The following HDAC4 variants were observed in gnomAD, a reference collection of about 807,000 sequenced individuals.
HDAC4 encodes histone deacetylase A.
A neutral mutation model predicts 135.1 loss-of-function variants in HDAC4; 16 were observed. The ratio of observed to expected loss-of-function variants is 0.12; its 90% confidence interval spans 0.08 to 0.18. The LOEUF (loss-of-function observed/expected upper bound fraction) is 0.18, where lower values mean the gene tolerates loss of function less well. HDAC4 is among the 10% of genes least tolerant of loss of function. The pLI is 1.00. For missense variants in HDAC4, 1,143 were observed against 1,511.8 expected, an observed-to-expected ratio of 0.76 and a Z score of 4.05; for synonymous variants, 685 against 653.4, an observed-to-expected ratio of 1.05 and a Z score of -0.74.
intron 13 of HDAC4, among the ~76,000 whole-genome samples, chr2:239,112,869 G>T (rs1244393448): frequency 6.6e-6 from 1 of 152,214 alleles, no homozygotes; most frequent in Non-Finnish European, 1.5e-5. Flanking sequence ...GCAGAGCCCA[G>T]CCCTGTGCTG....
In HDAC4 at chr2:239,102,798, T is replaced by C. The variant is rs2037781554; in HGVS notation, c.2211A>G (p.Lys737=). ...LYGTNPLNRQ[K]LDSKKLLGSL... is the part of the protein sequence containing the mutation. ...TACCTAGAAGTTTCTTACTGTCCAG[T>C]TTCTGCCGGTTGAGGGGGTTCGTGC... Residue 737 remains lysine, a synonymous_variant, in exon 16 of 27, where the codon AAA becomes AAG. Coordinates refer to ENST00000543185, the MANE Select transcript of HDAC4 (RefSeq NM_001378414.1). 8.7e-6 allele frequency: 14 copies of C among 1,613,882 alleles called. No individual in the cohort carries two copies. The highest frequency in any genetic ancestry group is 1.0e-5 in the Non-Finnish European group (12 of 1,180,018).
intron 3 of HDAC4, among the ~76,000 whole-genome samples, chr2:239,230,566 CG>C (rs1371807500): frequency 6.6e-6 from 1 of 152,096 alleles, no homozygotes; most frequent in Non-Finnish European, 1.5e-5. Context: ...GAGGCCGCCA[CG>C]GCCTCTCTTC....
intron 24 of HDAC4, among the ~76,000 whole-genome samples, chr2:239,058,745 A>G (rs985152615): frequency 1.3e-5 from 2 of 152,272 alleles, no homozygotes; most frequent in Non-Finnish European, 2.9e-5. Context: ...TGCAATGGAA[A>G]GAAGACAAGA....
chr2:239,189,688 T>C, intron 4 of HDAC4, 145 bp downstream of exon 4: 1 of 749,162 alleles, frequency 1.3e-6, no homozygotes, highest in East Asian at 2.7e-5. Context: ...TTGCCTGGTG[T>C]TACCGTCCCA....
chr2:239,379,750 C>T (rs896408536), intron 1 of HDAC4, among the ~76,000 whole-genome samples: 11 of 152,220 alleles, frequency 7.2e-5, no homozygotes, highest in African/African-American at 2.2e-4. Context: ...CATCGGCTGC[C>T]GGGGCCCCTT....
At chr2:239,101,580 G>T (rs535858888) in intron 16 of HDAC4, among the ~76,000 whole-genome samples, 1 of 152,146 alleles carries the variant, frequency 6.6e-6, no homozygotes, top group Non-Finnish European at 1.5e-5. Flanking sequence ...CCTTCCTAGG[G>T]TCCTGCTCAG....
intron 1 of HDAC4, among the ~76,000 whole-genome samples, chr2:239,387,059 G>T (rs1284484333): frequency 6.6e-6 from 1 of 152,070 alleles, no homozygotes; most frequent in Non-Finnish European, 1.5e-5. Flanking sequence ...GTATGAGGGT[G>T]TGTGCGTGTC....
chr2:239,133,856 T>C (rs2040762849), intron 11 of HDAC4, among the ~76,000 whole-genome samples: 1 of 152,186 alleles, frequency 6.6e-6, no homozygotes, highest in South Asian at 2.1e-4. Flanking sequence ...AAATTGTATT[T>C]TTCTAAATGT....
At chr2:239,193,472 C>T (rs1033392588) in intron 3 of HDAC4, among the ~76,000 whole-genome samples, 9 of 152,334 alleles carry the variant, frequency 5.9e-5, no homozygotes, top group South Asian at 2.1e-4. Context: ...GCCGCTGGGG[C>T]GCCGAGGAGC....
Position 239,307,675 on chromosome 2 carries a change from A to C in HDAC4, c.22+45003T>G, listed in dbSNP as rs1237649205. Among the ~76,000 whole-genome samples, 1 of 152,142 alleles carries C rather than the reference A, an allele frequency of 6.6e-6. No homozygotes were observed. The highest frequency in any genetic ancestry group is 1.5e-5 in the Non-Finnish European group (1 of 68,020). On this transcript the variant is annotated intron_variant, in intron 2 of 26. Transcript: ENST00000543185. The surrounding 1 kb of genome is among the most constrained non-coding windows in gnomAD (Gnocchi z 4.8). ...AACGCATGCAAGAGAAGCCCTCCTCACTCAGATGACGTTCTCATGACCGCA... is the reference window on the plus strand; with the variant it reads ...AACGCATGCAAGAGAAGCCCTCCTCCCTCAGATGACGTTCTCATGACCGCA...
intron 17 of HDAC4, among the ~76,000 whole-genome samples, chr2:239,093,413 C>T (rs1200077445): frequency 6.6e-6 from 1 of 152,208 alleles, no homozygotes; most frequent in Non-Finnish European, 1.5e-5. Context: ...CTGGCCCCTC[C>T]TGGCTCTGGA....
intron 3 of HDAC4, among the ~76,000 whole-genome samples, chr2:239,220,265 A>G (rs1415763738): frequency 6.6e-6 from 1 of 152,264 alleles, no homozygotes; most frequent in Non-Finnish European, 1.5e-5. Flanking sequence ...TAAAGTAATG[A>G]ACACATCACA....
chr2:239,329,836 T>C (rs1020372372), intron 2 of HDAC4, among the ~76,000 whole-genome samples: 1 of 151,916 alleles, frequency 6.6e-6, no homozygotes, highest in African/African-American at 2.4e-5. Flanking sequence ...GACAACCCTA[T>C]AAGGTGAAGT....
chr2:239,323,889 A>T lies in HDAC4; in HGVS notation c.22+28789T>A, dbSNP rs1245967774. ...ATTTTTTCTAAAAAAAGACAAGAAC[A>T]TCCATTGCTGTTGAAATATTTAACT... is the stretch of plus-strand genomic sequence containing the variant. On this transcript the variant is annotated intron_variant, in intron 2 of 26. Transcript: ENST00000543185. 2.6e-5 allele frequency among the ~76,000 whole-genome samples: 4 copies of T among 152,170 alleles called. No homozygotes were observed. The East Asian group carries it at 7.7e-4, about 29-fold the overall frequency.
Position 239,272,740 on chromosome 2 carries a change from C to T in HDAC4, c.23-36076G>A, listed in dbSNP as rs144954104. Among the ~76,000 whole-genome samples, 351 of 152,368 alleles carry T rather than the reference C, an allele frequency of 2.3e-3. 1 individual carries two copies. Among genetic ancestry groups the T allele is most frequent in the African/African-American group, 7.8e-3 (325 of 41,590 alleles). ...TCACCCCCAATGCACCCCTGCGCTG[C>T]TGCTGTGGGTGCCCCAGGCGATGCC... On this transcript the variant is annotated intron_variant, in intron 2 of 26. Transcript: ENST00000543185.
intron 11 of HDAC4, among the ~76,000 whole-genome samples, chr2:239,128,921 G>A (rs546161674): frequency 2.6e-5 from 4 of 152,302 alleles, no homozygotes; most frequent in Admixed American, 2.0e-4. Flanking sequence ...GCTACACAGC[G>A]CTCCCAGGCT....
chr2:239,327,338 G>A (rs572362720), intron 2 of HDAC4, among the ~76,000 whole-genome samples: 3 of 152,306 alleles, frequency 2.0e-5, no homozygotes, highest in South Asian at 4.1e-4. Flanking sequence ...CCCTTCCCCA[G>A]GGGTTGGGAG....
chr2:239,386,801 G>T (rs1405373100), intron 1 of HDAC4, among the ~76,000 whole-genome samples: 1 of 152,200 alleles, frequency 6.6e-6, no homozygotes, highest in Non-Finnish European at 1.5e-5. Flanking sequence ...TTCTAACAGT[G>T]AAAACACAGT....
rs560638162 is a variant in HDAC4, at chr2:239,206,530, T to C, written c.95-16453A>G. Among the ~76,000 whole-genome samples the C allele has an allele frequency of 4.3e-4, 65 of 152,076 alleles. No homozygotes were observed. The South Asian group carries it at 0.013, about 30-fold the overall frequency. The stretch of plus-strand genomic sequence containing the variant: ...ACCTCTAGATCTAACTGCCAATTTA[T>C]AGGAAATCCAGGCAACAAAGGAACA... On this transcript the variant is annotated intron_variant, in intron 3 of 26. Coordinates refer to ENST00000543185, the MANE Select transcript of HDAC4 (RefSeq NM_001378414.1).
Sources: gnomAD v4.1 joint callset for allele counts (sites outside exome capture counted in the v4.1 genomes callset) on GRCh38, gnomAD v4.1.1 for gene constraint, Gnocchi (gnomAD v3.1) non-coding constraint, MANE v1.5 for transcripts, NCBI Gene and HGNC (gene_info 2026-07-23, HGNC 2026-07-21) for gene names.